MYH11: variants seen among roughly 807,000 people sequenced by gnomAD.
MYH11 encodes the protein myosin heavy chain 11.
In MYH11, 80 loss-of-function variants were observed where a neutral mutation model predicts 246.6. The observed-to-expected ratio is 0.32, with a 90% CI of 0.27 to 0.39. The LOEUF (loss-of-function observed/expected upper bound fraction) is 0.39. MYH11 is among the 10% of genes least tolerant of loss of function. The pLI is 1.00. For missense variants in MYH11, 2,158 were observed against 2,546.8 expected (o/e 0.85, Z 3.29); for synonymous variants, 1,071 against 1,015.5 (o/e 1.05, Z -1.04).
In MYH11 at chr16:15,810,888, A is replaced by G. The variant is rs143147451; in HGVS notation, c.503-12201T>C. On this transcript the variant is annotated intron_variant, in intron 3 of 40. Transcript: ENST00000300036. Reference sequence around the variant, plus strand: ...CATCATCTAAAACAGTGATCTAGGGAAGAGGTTATAGACAGCAGTGATTCT... The same window carrying G: ...CATCATCTAAAACAGTGATCTAGGGGAGAGGTTATAGACAGCAGTGATTCT... Among the ~76,000 whole-genome samples, 1,031 of 152,312 alleles carry G rather than the reference A, an allele frequency of 6.8e-3. 8 individuals carry two copies. Among genetic ancestry groups the G allele is most frequent in the African/African-American group, 0.021 (889 of 41,570 alleles).
intron 2 of MYH11, among the ~76,000 whole-genome samples, chr16:15,829,309 C>T (rs1282065969): frequency 6.6e-6 from 1 of 152,164 alleles, no homozygotes; most frequent in Non-Finnish European, 1.5e-5. Context: ...GACATCTCTC[C>T]CAGTGCCGTG....
intron 4 of MYH11, among the ~76,000 whole-genome samples, chr16:15,790,645 GCA>G: frequency 6.6e-6 from 1 of 152,286 alleles, no homozygotes; most frequent in South Asian, 2.1e-4. Flanking sequence ...CCTGGTCTGA[GCA>G]CCCTAAACTC....
At chr16:15,778,658 G>T in intron 7 of MYH11, 122 bp downstream of exon 7, 1 of 1,004,646 alleles carries the variant, frequency 1.0e-6, no homozygotes, top group Non-Finnish European at 1.6e-6. Context: ...GGGGAGATTT[G>T]TTCTGGAAGA....
intron 26 of MYH11, 53 bp downstream of exon 26, chr16:15,735,313 C>A (rs1453135718): frequency 2.6e-6 from 4 of 1,567,550 alleles, no homozygotes; most frequent in Non-Finnish European, 3.5e-6. Context: ...CTTCTGCCCC[C>A]ATCCCATTGG....
intron 2 of MYH11, among the ~76,000 whole-genome samples, chr16:15,823,931 TGTG>T (rs1386688900): frequency 6.6e-6 from 1 of 152,114 alleles, no homozygotes; most frequent in African/African-American, 2.4e-5. Flanking sequence ...CTGGCCAAAC[TGTG>T]GAGTTTTGAA....
At chr16:15,784,695 C>A in intron 5 of MYH11, 1 of 1,613,896 alleles carries the variant, frequency 6.2e-7, no homozygotes, top group Non-Finnish European at 8.5e-7. Context: ...CTCAGTTACT[C>A]ACGTAGGCAA....
At chr16:15,757,473 C>G (rs916055454) in intron 13 of MYH11, among the ~76,000 whole-genome samples, 1 of 125,226 alleles carries the variant, frequency 8.0e-6, no homozygotes, top group African/African-American at 3.0e-5. Context: ...TGTGCCACTG[C>G]ACTCCAGCCT....
chr16:15,781,851 GA>G (rs34331090), intron 6 of MYH11, among the ~76,000 whole-genome samples: 3 of 151,870 alleles, frequency 2.0e-5, no homozygotes, highest in Non-Finnish European at 4.4e-5. Context: ...CAGCAAATGA[GA>G]AAAAAACAAA....
intron 8 of MYH11, among the ~76,000 whole-genome samples, 155 bp from the exon 9 acceptor site, chr16:15,771,867 C>T (rs983216049): frequency 2.0e-5 from 3 of 152,112 alleles, no homozygotes; most frequent in Admixed American, 6.6e-5. Context: ...ACGTAGACAG[C>T]CTCACCAACC....
intron 40 of MYH11, among the ~76,000 whole-genome samples, chr16:15,705,557 G>A (rs1003864109): frequency 3.3e-5 from 5 of 152,192 alleles, no homozygotes; most frequent in Non-Finnish European, 5.9e-5. Context: ...ATCTGGCCCT[G>A]TTTGACCTGA....
intron 2 of MYH11, among the ~76,000 whole-genome samples, chr16:15,825,702 A>C (rs1453804564): frequency 6.6e-6 from 1 of 152,132 alleles, no homozygotes; most frequent in African/African-American, 2.4e-5. Context: ...GGAGCATCTG[A>C]AAATAATCAG....
intron 6 of MYH11, among the ~76,000 whole-genome samples, chr16:15,780,284 CTGT>C (rs1308912896): frequency 6.6e-6 from 1 of 151,920 alleles, no homozygotes; most frequent in Non-Finnish European, 1.5e-5. Context: ...GGGGGGGCCG[CTGT>C]TGTTAGTGAA....
At chr16:15,820,038 A>C (rs1307983965) in intron 3 of MYH11, among the ~76,000 whole-genome samples, 1 of 152,058 alleles carries the variant, frequency 6.6e-6, no homozygotes, top group African/African-American at 2.4e-5. Context: ...GTGGCCTTGG[A>C]AAGGCCAAAA....
At chr16:15,721,312 T>G in intron 32 of MYH11, 110 bp downstream of exon 32, 1 of 1,284,172 alleles carries the variant, frequency 7.8e-7, no homozygotes, top group Non-Finnish European at 1.1e-6. Context: ...CCATTTCCGA[T>G]GATAGTTCGC....
Position 15,718,451 on chromosome 16 carries a change from C to G in MYH11, c.5172-13G>C. On this transcript the variant is annotated splice_polypyrimidine_tract_variant and intron_variant, in intron 36 of 40. Coordinates refer to ENST00000300036, the MANE Select transcript of MYH11 (RefSeq NM_002474.3). ...CTGGAGTGCGTTCCTGGGGGAAGGG[C>G]GGCCATGGTGGGGGCCTCTACCCTC... 2 of 1,549,502 alleles carry G rather than the reference C, an allele frequency of 1.3e-6. No homozygotes were observed. Among genetic ancestry groups the G allele is most frequent in the Middle Eastern group, 2.0e-4 (1 of 5,048 alleles).
At chr16:15,787,462 G>C (rs1469194619) in intron 4 of MYH11, among the ~76,000 whole-genome samples, 1 of 145,222 alleles carries the variant, frequency 6.9e-6, no homozygotes, top group East Asian at 2.0e-4. Context: ...GTCCAAACAG[G>C]TTTATTTGGA....
chr16:15,724,084 C>T, intron 31 of MYH11, 77 bp downstream of exon 31: 2 of 1,603,096 alleles, frequency 1.2e-6, no homozygotes, highest in East Asian at 2.2e-5. Context: ...AGGCCAGAGC[C>T]ACGCGTCATA....
In MYH11 at chr16:15,771,579, C is replaced by T; in HGVS notation, c.1023G>A (p.Glu341=). 6.2e-7 allele frequency: 1 copy of T among 1,613,948 alleles called. No individual in the cohort carries two copies. Among genetic ancestry groups the T allele is most frequent in the Non-Finnish European group, 8.5e-7 (1 of 1,180,024 alleles). Residue 341 remains glutamate (E), a synonymous_variant, in exon 9 of 41, where the codon GAG becomes GAA. Transcript: ENST00000300036. ...AGGTGTGAGGCTTACATAGCTGCTC[C>T]TCCTCGCTGAAACCCATGATTGCCA... ...EAMAIMGFSE[E]EQLSILKVVS...
intron 4 of MYH11, among the ~76,000 whole-genome samples, chr16:15,793,894 A>G (rs1279432570): frequency 1.5e-5 from 2 of 136,684 alleles, no homozygotes; most frequent in Non-Finnish European, 3.1e-5. Flanking sequence ...AAGTGCTGGG[A>G]TTACAGGCGT....
Sources: allele counts gnomAD v4.1 joint callset (sites outside exome capture counted in the v4.1 genomes callset), GRCh38; gene constraint gnomAD v4.1.1; transcripts MANE v1.5; gene names NCBI Gene and HGNC (gene_info 2026-07-23, HGNC 2026-07-21).